Variants in MUSK observed in about 807,000 individuals in gnomAD.
The protein encoded by MUSK is muscle associated receptor tyrosine kinase.
Under a neutral mutation model 88.7 loss-of-function variants are expected in MUSK, and 55 were observed. The ratio of observed to expected loss-of-function variants is 0.62; its 90% CI spans 0.50 to 0.78. The LOEUF (loss-of-function observed/expected upper bound fraction) is 0.78, where lower values mean the gene tolerates loss of function less well. MUSK is among the 30% of genes least tolerant of loss of function. The pLI is 0.00. For synonymous variants in MUSK, 387 were observed against 391.9 expected (o/e 0.99, Z 0.15); for missense variants, 1,015 against 1,074.3 (o/e 0.94, Z 0.77).
intron 11 of MUSK, among the ~76,000 whole-genome samples, chr9:110,779,860 C>G (rs778877730): frequency 7.2e-5 from 11 of 152,146 alleles, no homozygotes; most frequent in Non-Finnish European, 1.6e-4. Context: ...TTCTATGAGG[C>G]ATAGTGATCC....
chr9:110,747,190 A>G (rs1230603526), intron 6 of MUSK, among the ~76,000 whole-genome samples: 2 of 152,208 alleles, frequency 1.3e-5, no homozygotes, highest in African/African-American at 4.8e-5. Context: ...TGTGATCGGC[A>G]GATTGAAAAG....
intron 7 of MUSK, among the ~76,000 whole-genome samples, chr9:110,755,949 TACAC>T (rs1186165300): frequency 4.4e-4 from 23 of 52,048 alleles, no homozygotes; most frequent in South Asian, 8.7e-4. Context: ...TATATATATA[TACAC>T]ATATATATAT....
At chr9:110,691,230 T>G (rs1300173047) in intron 3 of MUSK, among the ~76,000 whole-genome samples, 1 of 152,106 alleles carries the variant, frequency 6.6e-6, no homozygotes, top group African/African-American at 2.4e-5. Flanking sequence ...GTAGTCTGCA[T>G]TTAAAATCTT....
At chr9:110,738,343 A>G (rs1036107289) in intron 6 of MUSK, among the ~76,000 whole-genome samples, 12 of 152,182 alleles carry the variant, frequency 7.9e-5, no homozygotes, top group African/African-American at 2.9e-4. Context: ...GATGTTAATG[A>G]ACATGACTTG....
chr9:110,736,665 T>C (rs926223040), intron 6 of MUSK, among the ~76,000 whole-genome samples: 2 of 152,132 alleles, frequency 1.3e-5, no homozygotes, highest in Admixed American at 1.3e-4. Context: ...CTGATTCTTG[T>C]TCATTTTGTG....
chr9:110,754,592 T>C (rs1166046423), intron 7 of MUSK, among the ~76,000 whole-genome samples: 4 of 152,246 alleles, frequency 2.6e-5, no homozygotes, highest in Non-Finnish European at 4.4e-5. Context: ...CTTATCTCCA[T>C]GCTCCTTCCA....
intron 13 of MUSK, among the ~76,000 whole-genome samples, chr9:110,786,118 C>G (rs923492130): frequency 6.6e-6 from 1 of 151,162 alleles, no homozygotes; most frequent in Non-Finnish European, 1.5e-5. Flanking sequence ...CAAGACCAGC[C>G]TGGCCAACAT....
At position 110,803,074 on chromosome 9, in the gene MUSK, G is replaced by T. The variant is rs78176384; in HGVS notation, c.*2086G>T. 0.018 allele frequency among the ~76,000 whole-genome samples: 2,722 copies of T among 152,318 alleles called. 52 individuals carry two copies. The highest frequency in any genetic ancestry group is 0.094 in the South Asian group (451 of 4,818). On this transcript the variant is annotated 3_prime_UTR_variant, in exon 15 of 15. Coordinates refer to ENST00000374448, the MANE Select transcript of MUSK (RefSeq NM_005592.4). Reference sequence around the variant, plus strand: ...ATTTTAGATGGTTCATGTATGCTCTGCAAAATTCAAAGACAGCTTCGGGCT... The same window carrying T: ...ATTTTAGATGGTTCATGTATGCTCTTCAAAATTCAAAGACAGCTTCGGGCT...
At chr9:110,750,320 T>C (rs1027205338) in intron 7 of MUSK, among the ~76,000 whole-genome samples, 3 of 152,200 alleles carry the variant, frequency 2.0e-5, no homozygotes, top group African/African-American at 7.2e-5. Flanking sequence ...AGGATTTGTA[T>C]TTAGGCAGTG....
In MUSK at chr9:110,800,667, T is replaced by A. The variant is rs1178040456; in HGVS notation, c.2289T>A (p.Ala763=). 2 of 1,614,012 alleles carry A rather than the reference T, an allele frequency of 1.2e-6. No individual in the cohort carries two copies. Among genetic ancestry groups the A allele is most frequent in the Non-Finnish European group, 1.7e-6 (2 of 1,179,892 alleles). ...ACTACAAAGCTAATGAAAACGACGC[T>A]ATCCCTATCCGTTGGATGCCACCAG... ...ADYYKANEND[A]IPIRWMPPES... The change falls in exon 15 of 15, where the codon GCT becomes GCA. Residue 763 remains alanine, a synonymous_variant. Transcript: ENST00000374448.
intron 6 of MUSK, among the ~76,000 whole-genome samples, chr9:110,742,271 G>A (rs1222668220): frequency 3.3e-5 from 5 of 151,998 alleles, no homozygotes; most frequent in Admixed American, 3.3e-4. Context: ...TGGCTAACAC[G>A]GTGAAAACCT....
Position 110,741,970 on chromosome 9 carries a change from C to T in MUSK, c.754-5671C>T, listed in dbSNP as rs72756524. On this transcript the variant is annotated intron_variant, in intron 6 of 14. Transcript: ENST00000374448. ...TGATCTCTAATGGTATAATTAGAGA[C>T]ATCAGGGCTAATGTTCTCTAATTTT... is the stretch of plus-strand genomic sequence containing the variant. 5.8e-3 allele frequency among the ~76,000 whole-genome samples: 885 copies of T among 152,240 alleles called. 6 individuals are homozygous for T. The highest frequency in any genetic ancestry group is 0.01 in the Non-Finnish European group (704 of 68,028).
intron 1 of MUSK, among the ~76,000 whole-genome samples, chr9:110,675,632 C>T (rs1240481593): frequency 2.4e-5 from 3 of 126,388 alleles, no homozygotes; most frequent in South Asian, 2.7e-4. Flanking sequence ...TGCAGCGGTG[C>T]GGTCTCGGCT....
At position 110,749,122 on chromosome 9, in the gene MUSK, CACTTTT is replaced by C. The variant is rs1347931003; in HGVS notation, c.913+1325_913+1330del. The stretch of plus-strand genomic sequence containing the variant: ...ACATAGCACTTTGCTGTTTATAAAG[CACTTTT>C]ACATGCATTTATCAAATACTCTAGA... On this transcript the variant is annotated intron_variant, in intron 7 of 14. Transcript: ENST00000374448. Among the ~76,000 whole-genome samples the C allele has an allele frequency of 1.9e-4, 29 of 152,152 alleles. No homozygotes were observed. The South Asian group carries it at 5.8e-3, about 31-fold the overall frequency.
chr9:110,779,477 A>C (rs185223004), intron 11 of MUSK, among the ~76,000 whole-genome samples: 1 of 152,124 alleles, frequency 6.6e-6, no homozygotes, highest in Non-Finnish European at 1.5e-5. Flanking sequence ...TTCACATTAA[A>C]TATCTCCAAT....
chr9:110,701,661 A>T (rs373121863), intron 5 of MUSK, among the ~76,000 whole-genome samples: 661 of 20,738 alleles, frequency 0.032, 219 homozygotes, highest in Non-Finnish European at 0.035. Context: ...TATTTATTTT[A>T]TTTATTTTAT....
chr9:110,735,911 T>G (rs886429215), intron 6 of MUSK, among the ~76,000 whole-genome samples: 4 of 152,022 alleles, frequency 2.6e-5, no homozygotes, highest in African/African-American at 9.7e-5. Context: ...AGAACAGCAC[T>G]GAGGGGATGG....
Position 110,740,728 on chromosome 9 carries a change from A to G in MUSK, c.753+6353A>G, listed in dbSNP as rs999196808. 2.0e-5 allele frequency among the ~76,000 whole-genome samples: 3 copies of G among 152,190 alleles called. No homozygotes were observed. In the East Asian group the frequency reaches 5.8e-4, roughly 29 times the overall value. On this transcript the variant is annotated intron_variant, in intron 6 of 14. Coordinates refer to ENST00000374448, the MANE Select transcript of MUSK (RefSeq NM_005592.4). ...ATCTCCATGTAATAAGTTAATTTGT[A>G]TACTGCTTTTAAATAAAGTTAAACA... is the stretch of plus-strand genomic sequence containing the variant.
At chr9:110,713,902 G>A (rs975013706) in intron 5 of MUSK, among the ~76,000 whole-genome samples, 37 of 152,128 alleles carry the variant, frequency 2.4e-4, no homozygotes, top group African/African-American at 7.7e-4. Context: ...TTTGATAAAC[G>A]TACCATGGTT....
Sources: gnomAD v4.1 joint callset for allele counts (sites outside exome capture counted in the v4.1 genomes callset) on GRCh38, gnomAD v4.1.1 for gene constraint, MANE v1.5 for transcripts, NCBI Gene and HGNC (gene_info 2026-07-23, HGNC 2026-07-21) for gene names.